Variants in TRAPPC6A observed in about 807,000 individuals in gnomAD.
The protein encoded by TRAPPC6A is trafficking protein particle complex subunit 6A, also known as TRAPP complex subunit 6A.
Under a neutral mutation model 20.8 loss-of-function variants are expected in TRAPPC6A, and 25 were observed. That is an observed-to-expected ratio of 1.20 (90% CI 0.88 to 1.68). The LOEUF (loss-of-function observed/expected upper bound fraction) is 1.68. Ranked by LOEUF, TRAPPC6A falls within the 40% of genes most tolerant of loss-of-function variation. The pLI, the probability that TRAPPC6A is intolerant of heterozygous loss-of-function variation, is 0.00. For synonymous variants in TRAPPC6A, 96 were observed against 93.3 expected, an observed-to-expected ratio of 1.03 and a Z score of -0.16; for missense variants, 215 against 211.6, an observed-to-expected ratio of 1.02 and a Z score of -0.10.
At position 45,173,991 on chromosome 19, in the gene TRAPPC6A, G is replaced by T. The variant is rs919209132; in HGVS notation, c.84+4144C>A. ...CACATTCGTGTGCTCTGAAAGGCTG[G>T]TGGTGAGCAGAGCTGAGTAAGCCAG... is the stretch of plus-strand genomic sequence containing the variant. On this transcript the variant is annotated intron_variant, in intron 1 of 5. Transcript: ENST00000585934. This position sits in a 1 kb window ranked among gnomAD's most constrained non-coding sequence, Gnocchi z 4.8. Among the ~76,000 whole-genome samples, 2 of 152,178 alleles carry T rather than the reference G, an allele frequency of 1.3e-5. No homozygotes were observed. Among genetic ancestry groups the T allele is most frequent in the African/African-American group, 4.8e-5 (2 of 41,440 alleles).
In TRAPPC6A at chr19:45,162,991, ATCCCACCAC is replaced by A; in HGVS notation, c.*192_*200del. The A allele has an allele frequency of 4.4e-6, 2 of 452,514 alleles. No homozygotes were observed. Among genetic ancestry groups the A allele is most frequent in the East Asian group, 3.6e-5 (1 of 28,100 alleles). The allele number at this position is 452,514 out of a possible 1,614,324, so 28.0% of individuals were successfully genotyped here. Reference sequence around the variant, plus strand: ...GGGCAGTGACGCTGCCGAGGCGGGAATCCCACCACAGTCCTGACCGCAGCTGGGACCCCT... The same window carrying A: ...GGGCAGTGACGCTGCCGAGGCGGGAAAGTCCTGACCGCAGCTGGGACCCCT... On this transcript the variant is annotated 3_prime_UTR_variant, in exon 6 of 6. Transcript: ENST00000585934.
At chr19:45,166,479 G>C (rs1183536387) in intron 1 of TRAPPC6A, among the ~76,000 whole-genome samples, 1 of 151,636 alleles carries the variant, frequency 6.6e-6, no homozygotes, top group African/African-American at 2.4e-5. Flanking sequence ...AAAGTGCTGG[G>C]ATTACAGGCA....
At chr19:45,170,456 C>T (rs1599736528) in intron 1 of TRAPPC6A, among the ~76,000 whole-genome samples, 1 of 152,216 alleles carries the variant, frequency 6.6e-6, no homozygotes, top group East Asian at 1.9e-4. Context: ...TGTGAAGGCA[C>T]ACCAGGCCCA....
chr19:45,178,062 G>A (rs1394023199), intron 1 of TRAPPC6A, 73 bp downstream of exon 1: 1 of 1,604,886 alleles, frequency 6.2e-7, no homozygotes, highest in East Asian at 2.3e-5. Flanking sequence ...CCGGACGCCT[G>A]ACGCGCCCTC....
chr19:45,167,772 C>T (rs1423888831), intron 1 of TRAPPC6A, among the ~76,000 whole-genome samples: 1 of 152,216 alleles, frequency 6.6e-6, no homozygotes, highest in Non-Finnish European at 1.5e-5. Context: ...CGTGGGCCAT[C>T]GCGCCCAGCT....
intron 1 of TRAPPC6A, among the ~76,000 whole-genome samples, chr19:45,165,463 A>G (rs1451208081): frequency 6.6e-6 from 1 of 152,188 alleles, no homozygotes; most frequent in Admixed American, 6.5e-5. Flanking sequence ...TTCCCTCAGG[A>G]ACAATGGGGG....
At position 45,178,150 on chromosome 19, in the gene TRAPPC6A, G is replaced by C; in HGVS notation, c.69C>G (p.Pro23=). The part of the protein sequence containing the change: ...EMVAELWAHD[P]DPGPGGQKMS... ...CGGCGCTCACCCCCGGGCCGGGGTC[G>C]GGGTCGTGAGCCCACAGCTCAGCCA... Residue 23 remains proline (P), a synonymous_variant, in exon 1 of 6, where the codon CCC becomes CCG. Transcript: ENST00000585934. 2 of 1,613,252 alleles carry C rather than the reference G, an allele frequency of 1.2e-6. No homozygotes were observed. Among genetic ancestry groups the C allele is most frequent in the Non-Finnish European group, 8.5e-7 (1 of 1,179,440 alleles).
At chr19:45,177,149 C>T (rs1407180606) in intron 1 of TRAPPC6A, among the ~76,000 whole-genome samples, 2 of 151,978 alleles carry the variant, frequency 1.3e-5, no homozygotes, top group African/African-American at 2.4e-5. Context: ...TGCATCACTG[C>T]ACTCCAGCCA....
At chr19:45,171,380 G>A (rs924059352) in intron 1 of TRAPPC6A, among the ~76,000 whole-genome samples, 3 of 151,984 alleles carry the variant, frequency 2.0e-5, no homozygotes, top group African/African-American at 4.8e-5. Context: ...ATATGAATCT[G>A]CCAGAGCCCA....
rs542324049 is a variant in TRAPPC6A at position 45,163,113 on chromosome 19, C to T, written c.*79G>A. 7.0e-6 allele frequency: 11 copies of T among 1,568,812 alleles called. No individual in the cohort carries two copies. Among genetic ancestry groups the T allele is most frequent in the East Asian group, 2.3e-5 (1 of 44,356 alleles). ...GGGCCTGGGATTCCCAAGACCACCC[C>T]GAAATGCAGCGGCCCCACCGTCTCC... is the stretch of plus-strand genomic sequence containing the variant. On this transcript the variant is annotated 3_prime_UTR_variant, in exon 6 of 6. Coordinates refer to ENST00000585934, the MANE Select transcript of TRAPPC6A (RefSeq NM_001270891.2). The surrounding 1 kb of genome is among the most constrained non-coding windows in gnomAD (Gnocchi z 5.3).
chr19:45,164,252 G>A lies in TRAPPC6A; in HGVS notation c.271-5C>T. 9 of 1,595,758 alleles carry A rather than the reference G, an allele frequency of 5.6e-6. No homozygotes were observed. Among genetic ancestry groups the A allele is most frequent in the Non-Finnish European group, 7.7e-6 (9 of 1,170,096 alleles). ...GTCTTGCAGGACGTAGGTCCCCTGG[G>A]GGAGAGGAGAGGCTGGTGGGTGGGG... On this transcript the variant is annotated splice_polypyrimidine_tract_variant and splice_region_variant and intron_variant, in intron 3 of 5. Transcript: ENST00000585934.
chr19:45,170,335 G>A (rs770936411), intron 1 of TRAPPC6A, among the ~76,000 whole-genome samples: 4 of 152,200 alleles, frequency 2.6e-5, no homozygotes, highest in Admixed American at 2.0e-4. Flanking sequence ...TGCTCACAGC[G>A]ACTGCCAAGA....
intron 1 of TRAPPC6A, 128 bp downstream of exon 1, chr19:45,178,007 G>A: frequency 6.6e-7 from 1 of 1,515,994 alleles, no homozygotes; most frequent in Non-Finnish European, 8.8e-7. Flanking sequence ...AGGAAGCCAG[G>A]GCCAGACGTT....
intron 1 of TRAPPC6A, among the ~76,000 whole-genome samples, chr19:45,170,515 G>A (rs1969247293): frequency 6.6e-6 from 1 of 152,198 alleles, no homozygotes; most frequent in African/African-American, 2.4e-5. Context: ...GGGGGAGAGA[G>A]TCAGCAGGGT....
rs1297571887 is a variant in TRAPPC6A at position 45,164,968 on chromosome 19, A to G, written c.155T>C (p.Leu52Pro). The G allele has an allele frequency of 2.5e-6, 4 of 1,613,936 alleles. No individual in the cohort carries two copies. The highest frequency in any genetic ancestry group is 3.4e-6 in the Non-Finnish European group (4 of 1,179,940). Residue 52 changes from leucine to proline, a missense_variant and splice_region_variant, in exon 3 of 6, where the codon CTG becomes CCG. Physicochemically the swap from Leu to Pro is moderately conservative, Grantham distance 98. Transcript: ENST00000585934. The part of the protein sequence containing the change: ...FRVGQALGER[L>P]PRETLAFREE... ...CCTGAAGGCCAGCGTCTCCCGGGGC[A>G]GCCTGGTGGGGCAGTACCAAGCTGA...
rs564056677 is a variant in TRAPPC6A, at chr19:45,166,156, C to T, written c.85-962G>A. ...CGAACTCCTCAGCTCAGGCAATCTG[C>T]CCGCCTCGGCCTTCCAAAGTGCTGG... On this transcript the variant is annotated intron_variant, in intron 1 of 5. Transcript: ENST00000585934. Among the ~76,000 whole-genome samples, 5 of 152,248 alleles carry T rather than the reference C, an allele frequency of 3.3e-5. No homozygotes were observed. In the East Asian group the frequency reaches 7.7e-4, roughly 24 times the overall value.
chr19:45,165,225 C>G, intron 1 of TRAPPC6A, 31 bp from the exon 2 acceptor site: 1 of 1,570,470 alleles, frequency 6.4e-7, no homozygotes, highest in Non-Finnish European at 8.6e-7. Context: ...TGCTCAGGGG[C>G]CCTTAGCCAC....
At chr19:45,164,611 G>A (rs1172735770) in intron 3 of TRAPPC6A, 15 of 589,930 alleles carry the variant, frequency 2.5e-5, no homozygotes, top group Non-Finnish European at 3.9e-5. Context: ...GCCACCAGGG[G>A]CTTTCTGCCC....
intron 2 of TRAPPC6A, 60 bp downstream of exon 2, chr19:45,165,067 C>A (rs1969119520): frequency 1.2e-5 from 19 of 1,611,022 alleles, no homozygotes; most frequent in Non-Finnish European, 1.6e-5. Flanking sequence ...ACCCTCCCCG[C>A]CCGGGGCCTG....
Sources: gnomAD v4.1 joint callset for allele counts (sites outside exome capture counted in the v4.1 genomes callset) on GRCh38, gnomAD v4.1.1 for gene constraint, Gnocchi (gnomAD v3.1) non-coding constraint, MANE v1.5 for transcripts, NCBI Gene and HGNC (gene_info 2026-07-23, HGNC 2026-07-21) for gene names.